The following RALGAPA2 variants were observed in gnomAD, a reference collection of about 807,000 sequenced individuals.
RALGAPA2 encodes ral GTPase-activating protein subunit alpha-2.
In RALGAPA2, 139 loss-of-function variants were observed where a neutral mutation model predicts 230.4. The observed-to-expected ratio is 0.60, with a 90% confidence interval of 0.53 to 0.69. RALGAPA2 has a LOEUF of 0.69. Ranked by LOEUF, RALGAPA2 falls within the 30% of genes least tolerant of loss-of-function variation. The pLI is 0.00. For missense variants in RALGAPA2, 2,163 were observed against 2,276.0 expected (o/e 0.95, Z 1.01); for synonymous variants, 847 against 837.8 (o/e 1.01, Z -0.19).
chr20:20,631,951 C>T (rs996713224), intron 9 of RALGAPA2, among the ~76,000 whole-genome samples: 15 of 152,148 alleles, frequency 9.9e-5, no homozygotes, highest in African/African-American at 3.6e-4. Flanking sequence ...GGAAGCTGAC[C>T]CCATCCACAG....
intron 37 of RALGAPA2, among the ~76,000 whole-genome samples, chr20:20,440,713 G>A (rs2060719727): frequency 6.6e-6 from 1 of 152,250 alleles, no homozygotes; most frequent in Admixed American, 6.5e-5. Context: ...CGAGAGCAGA[G>A]CACCTGGTAC....
chr20:20,601,653 T>G (rs201430459), intron 16 of RALGAPA2, 29 bp downstream of exon 16: 41 of 1,594,278 alleles, frequency 2.6e-5, no homozygotes, highest in Non-Finnish European at 3.4e-5. Flanking sequence ...ACAATTAGAT[T>G]TTTGAGAAGC....
rs2063139252 is a variant in RALGAPA2, at chr20:20,524,442, A to G, written c.3864T>C (p.His1288=). 1.2e-6 allele frequency: 2 copies of G among 1,613,780 alleles called. No homozygotes were observed. Among genetic ancestry groups the G allele is most frequent in the African/African-American group, 2.7e-5 (2 of 74,904 alleles). Residue 1288 remains histidine (H), a synonymous_variant, in exon 30 of 40, where the codon CAT becomes CAC. Transcript: ENST00000202677. ...PVSTAVLEEQ[H]SARAPLLDYI... ...AATCCAGCAAGGGGGCTCTGGCCGA[A>G]TGCTGCTCCTCTAGGACTGCTGTGG...
intron 36 of RALGAPA2, among the ~76,000 whole-genome samples, chr20:20,492,960 C>A (rs1393320697): frequency 6.6e-6 from 1 of 152,258 alleles, no homozygotes; most frequent in East Asian, 1.9e-4. Context: ...GCTATCTGAT[C>A]AGAAATTCTT....
At chr20:20,417,759 A>C (rs1417780654) in intron 37 of RALGAPA2, among the ~76,000 whole-genome samples, 1 of 152,164 alleles carries the variant, frequency 6.6e-6, no homozygotes, top group East Asian at 1.9e-4. Flanking sequence ...GCTTAAAAGC[A>C]CCCCACATAA....
At chr20:20,512,488 C>A in intron 32 of RALGAPA2, 25 bp downstream of exon 32, 1 of 1,519,252 alleles carries the variant, frequency 6.6e-7, no homozygotes, top group Non-Finnish European at 8.8e-7. Context: ...GATAAAATAA[C>A]TGGAGGTCTA....
At chr20:20,434,467 T>C (rs1402035282) in intron 37 of RALGAPA2, among the ~76,000 whole-genome samples, 2 of 152,058 alleles carry the variant, frequency 1.3e-5, no homozygotes, top group East Asian at 1.9e-4. Flanking sequence ...CAACCAGAAA[T>C]GGATGCAGGT....
chr20:20,449,458 A>T (rs549538290), intron 37 of RALGAPA2, among the ~76,000 whole-genome samples: 1 of 152,374 alleles, frequency 6.6e-6, no homozygotes, highest in East Asian at 1.9e-4. Context: ...TGAGAATAAG[A>T]CACTCAAGTT....
chr20:20,532,377 A>T (rs950121036), intron 26 of RALGAPA2, among the ~76,000 whole-genome samples: 1 of 152,214 alleles, frequency 6.6e-6, no homozygotes, highest in Non-Finnish European at 1.5e-5. Flanking sequence ...AACTACACAG[A>T]AATTTGGCTT....
At chr20:20,485,879 C>T (rs1043684483) in intron 36 of RALGAPA2, among the ~76,000 whole-genome samples, 2 of 152,164 alleles carry the variant, frequency 1.3e-5, no homozygotes, top group African/African-American at 4.8e-5. Context: ...GTGGCTCATG[C>T]CTGTAATCCC....
chr20:20,478,066 T>C (rs757129238), intron 36 of RALGAPA2, among the ~76,000 whole-genome samples: 1 of 152,208 alleles, frequency 6.6e-6, no homozygotes, highest in Admixed American at 6.5e-5. Flanking sequence ...TTACAATCCA[T>C]ATTCTGTGCC....
chr20:20,537,551 T>C lies in RALGAPA2; in HGVS notation c.3286-767A>G, dbSNP rs186869418. On this transcript the variant is annotated intron_variant, in intron 24 of 39. Coordinates refer to ENST00000202677, the MANE Select transcript of RALGAPA2 (RefSeq NM_020343.4). ...AGGAGCATTGCTTGAACCCAGGAGA[T>C]GGAGGTTGCAGGTAGCCAACACAGT... is the stretch of plus-strand genomic sequence containing the variant. Among the ~76,000 whole-genome samples the C allele has an allele frequency of 2.4e-4, 33 of 139,622 alleles. No homozygotes were observed. In the East Asian group the frequency reaches 6.3e-3, roughly 27 times the overall value. The allele number at this position is 139,622 out of a possible 152,430, so 91.6% of individuals were successfully genotyped here. A position where few individuals can be genotyped will look rare whatever the true frequency, so the allele number is the denominator to read the frequency against.
chr20:20,635,438 C>T lies in RALGAPA2; in HGVS notation c.985G>A (p.Val329Ile), dbSNP rs970345389. ...ATQNTKNGVD[V>I]LPKIIQTVGG... is the part of the protein sequence containing the mutation. ...CATACCTGGATGATTTTAGGCAATA[C>T]ATCAACTCCATTTTTAGTGTTTTGT... is the stretch of plus-strand genomic sequence containing the variant. Residue 329 changes from valine (V) to isoleucine (I), a missense_variant, in exon 9 of 40, where the codon GTA becomes ATA. Transcript: ENST00000202677. The T allele has an allele frequency of 2.5e-6, 4 of 1,600,724 alleles. No homozygotes were observed. The highest frequency in any genetic ancestry group is 3.4e-6 in the Non-Finnish European group (4 of 1,175,084).
chr20:20,543,548 C>T (rs866296398), intron 24 of RALGAPA2, among the ~76,000 whole-genome samples: 9 of 152,038 alleles, frequency 5.9e-5, no homozygotes, highest in African/African-American at 2.2e-4. Flanking sequence ...TACTATGCAG[C>T]CATAAAAAAG....
intron 33 of RALGAPA2, among the ~76,000 whole-genome samples, chr20:20,509,944 C>G (rs1023423648): frequency 1.3e-5 from 2 of 152,078 alleles, no homozygotes; most frequent in Non-Finnish European, 2.9e-5. Context: ...GGGTTTATAT[C>G]CAATTCAAGA....
At chr20:20,491,202 C>T (rs2062047308) in intron 36 of RALGAPA2, among the ~76,000 whole-genome samples, 1 of 152,150 alleles carries the variant, frequency 6.6e-6, no homozygotes, top group African/African-American at 2.4e-5. Flanking sequence ...TTACTACTTC[C>T]CCTCCTACGC....
At chr20:20,648,175 T>C (rs1216501084) in intron 4 of RALGAPA2, among the ~76,000 whole-genome samples, 2 of 152,212 alleles carry the variant, frequency 1.3e-5, no homozygotes, top group Admixed American at 1.3e-4. Flanking sequence ...GAATGAACTA[T>C]TAATTCATGA....
intron 37 of RALGAPA2, among the ~76,000 whole-genome samples, chr20:20,454,297 T>C (rs1327565125): frequency 6.6e-6 from 1 of 152,214 alleles, no homozygotes; most frequent in Non-Finnish European, 1.5e-5. Flanking sequence ...CAGTGTGTCA[T>C]TCACTAATGA....
At chr20:20,495,386 C>A in intron 35 of RALGAPA2, 111 bp from the exon 36 acceptor site, 1 of 865,868 alleles carries the variant, frequency 1.2e-6, no homozygotes, top group Non-Finnish European at 1.7e-6. Context: ...ATTTCACTAC[C>A]AAAAAAGGCT....
Sources: gnomAD v4.1 joint callset for allele counts (sites outside exome capture counted in the v4.1 genomes callset) on GRCh38, gnomAD v4.1.1 for gene constraint, MANE v1.5 for transcripts, NCBI Gene and HGNC (gene_info 2026-07-23, HGNC 2026-07-21) for gene names.